The following ELL variants were observed in gnomAD, a reference collection of about 807,000 sequenced individuals.
ELL encodes the protein elongation factor for RNA polymerase II.
In ELL, 18 loss-of-function variants were observed where a neutral mutation model predicts 64.0. The observed-to-expected ratio is 0.28, with a 90% CI of 0.19 to 0.42. The LOEUF is 0.42. ELL is among the 10% of genes least tolerant of loss of function. The probability of loss-of-function intolerance (pLI) is 1.00; values close to 1 mark genes in which losing one functional copy is unlikely to be tolerated. For missense variants in ELL, 797 were observed against 870.4 expected (o/e 0.92, Z 1.06); for synonymous variants, 399 against 376.2 (o/e 1.06, Z -0.70).
At chr19:18,474,577 C>G (rs924765705) in intron 1 of ELL, among the ~76,000 whole-genome samples, 1 of 152,256 alleles carries the variant, frequency 6.6e-6, no homozygotes, top group Admixed American at 6.5e-5. Flanking sequence ...ACGGCGCAAG[C>G]CACCACTGTC....
chr19:18,444,904 G>A (rs1346775713), intron 11 of ELL, 36 bp from the exon 12 acceptor site: 15 of 1,581,214 alleles, frequency 9.5e-6, no homozygotes, highest in East Asian at 2.2e-5. Context: ...GGACAGAGCC[G>A]CCCTGGGTGC....
chr19:18,509,415 G>T (rs1391880468), intron 1 of ELL, among the ~76,000 whole-genome samples: 2 of 152,080 alleles, frequency 1.3e-5, no homozygotes, highest in Non-Finnish European at 1.5e-5. Context: ...AGCCCTTTGG[G>T]TTCCTGGTGG....
chr19:18,492,229 G>A (rs1464802550), intron 1 of ELL, among the ~76,000 whole-genome samples: 7 of 152,084 alleles, frequency 4.6e-5, no homozygotes, highest in African/African-American at 7.2e-5. Flanking sequence ...GGCCACATTC[G>A]GTGACCTGGA....
chr19:18,453,241 T>A (rs1241748322), intron 6 of ELL, among the ~76,000 whole-genome samples: 3 of 152,158 alleles, frequency 2.0e-5, no homozygotes, highest in Non-Finnish European at 4.4e-5. Context: ...GCCATTGCAC[T>A]CCAGTCTGGG....
intron 11 of ELL, 46 bp from the exon 12 acceptor site, chr19:18,444,914 C>T: frequency 6.4e-7 from 1 of 1,562,822 alleles, no homozygotes. Flanking sequence ...GCCCTGGGTG[C>T]TGCTCCCCGC....
intron 1 of ELL, among the ~76,000 whole-genome samples, chr19:18,515,080 T>C (rs1328088284): frequency 6.6e-6 from 1 of 152,234 alleles, no homozygotes; most frequent in Non-Finnish European, 1.5e-5. Flanking sequence ...GAGTGAGCGC[T>C]GCCTGCTGTT....
At chr19:18,463,005 GC>G (rs1974859145) in intron 4 of ELL, among the ~76,000 whole-genome samples, 1 of 152,162 alleles carries the variant, frequency 6.6e-6, no homozygotes, top group Non-Finnish European at 1.5e-5. Context: ...CTGCTCCCCT[GC>G]TCTGTCCTGA....
intron 1 of ELL, among the ~76,000 whole-genome samples, chr19:18,516,898 A>T (rs576380162): frequency 6.6e-6 from 1 of 152,238 alleles, no homozygotes; most frequent in South Asian, 2.1e-4. Context: ...TGGCCTCAGG[A>T]GGCAGGTGGA....
intron 1 of ELL, among the ~76,000 whole-genome samples, chr19:18,480,898 T>C (rs1354623972): frequency 6.6e-6 from 1 of 152,154 alleles, no homozygotes; most frequent in Non-Finnish European, 1.5e-5. Flanking sequence ...CCTCCCAAAG[T>C]GCCAGGATTA....
chr19:18,479,957 C>G (rs1310211300), intron 1 of ELL, among the ~76,000 whole-genome samples: 1 of 152,150 alleles, frequency 6.6e-6, no homozygotes, highest in African/African-American at 2.4e-5. Context: ...CAGAAGTGCC[C>G]ACTCTCCCCA....
At chr19:18,474,042 A>G (rs1975123366) in intron 1 of ELL, among the ~76,000 whole-genome samples, 1 of 152,232 alleles carries the variant, frequency 6.6e-6, no homozygotes, top group South Asian at 2.1e-4. Flanking sequence ...CACACCTGCG[A>G]CAGTATCAGA....
chr19:18,499,209 C>G (rs1975728991), intron 1 of ELL, among the ~76,000 whole-genome samples: 1 of 152,182 alleles, frequency 6.6e-6, no homozygotes, highest in Non-Finnish European at 1.5e-5. Flanking sequence ...ACAAGGGCCA[C>G]CAGCAGCTGC....
intron 4 of ELL, among the ~76,000 whole-genome samples, chr19:18,464,496 A>G (rs1018090868): frequency 3.4e-5 from 5 of 148,430 alleles, no homozygotes; most frequent in Non-Finnish European, 5.9e-5. Context: ...GCCATACAAC[A>G]TGTCCACCCG....
At chr19:18,490,318 GT>G (rs1396530230) in intron 1 of ELL, among the ~76,000 whole-genome samples, 4 of 151,298 alleles carry the variant, frequency 2.6e-5, no homozygotes, top group Non-Finnish European at 5.9e-5. Flanking sequence ...AACGCAGCAT[GT>G]TTCCTGAGAG....
At chr19:18,521,220 G>A (rs1220080767) in intron 1 of ELL, among the ~76,000 whole-genome samples, 2 of 152,000 alleles carry the variant, frequency 1.3e-5, no homozygotes, top group African/African-American at 4.8e-5. Context: ...ACTCTCCAAG[G>A]AACCTCTCTC....
chr19:18,474,082 G>A (rs1235196114), intron 1 of ELL, among the ~76,000 whole-genome samples: 2 of 152,198 alleles, frequency 1.3e-5, no homozygotes. Context: ...GTCAGCCCAG[G>A]GTCCGCCCTC....
intron 1 of ELL, among the ~76,000 whole-genome samples, chr19:18,476,840 G>A (rs1004532449): frequency 1.3e-5 from 2 of 152,164 alleles, no homozygotes; most frequent in East Asian, 1.9e-4. Context: ...CACGCATGAG[G>A]GTGACAGACA....
intron 4 of ELL, among the ~76,000 whole-genome samples, chr19:18,463,710 G>A (rs1319918315): frequency 6.6e-6 from 1 of 152,022 alleles, no homozygotes; most frequent in Non-Finnish European, 1.5e-5. Flanking sequence ...CAGGGGCGGT[G>A]GCTCACACCT....
chr19:18,467,827 T>C (rs1181781361), intron 2 of ELL, among the ~76,000 whole-genome samples: 3 of 37,844 alleles, frequency 7.9e-5, no homozygotes, highest in Non-Finnish European at 8.7e-5. Context: ...ACACAACCCC[T>C]CCACACACGA....
Sources: gnomAD v4.1 joint callset for allele counts (sites outside exome capture counted in the v4.1 genomes callset) on GRCh38, gnomAD v4.1.1 for gene constraint, MANE v1.5 for transcripts, NCBI Gene and HGNC (gene_info 2026-07-23, HGNC 2026-07-21) for gene names.